Variants in GPHN observed in about 807,000 individuals in gnomAD.
The protein encoded by GPHN is gephyrin.
A neutral mutation model predicts 95.5 loss-of-function variants in GPHN; 17 were observed. That is an observed-to-expected ratio of 0.18 (90% CI 0.12 to 0.27). The LOEUF (loss-of-function observed/expected upper bound fraction) is 0.27. Among genes scored for constraint, GPHN ranks in the 10% least tolerant of loss-of-function variants. GPHN has a pLI of 1.00. For synonymous variants in GPHN, 320 were observed against 322.5 expected, an observed-to-expected ratio of 0.99 and a Z score of 0.08; for missense variants, 660 against 978.1, an observed-to-expected ratio of 0.67 and a Z score of 4.34.
intron 2 of GPHN, among the ~76,000 whole-genome samples, chr14:66,699,616 T>C (rs1486634277): frequency 6.6e-6 from 1 of 152,190 alleles, no homozygotes; most frequent in Non-Finnish European, 1.5e-5. Context: ...TATTCTGTTT[T>C]AGAACAAAAT....
At chr14:67,436,576 G>A in the GPHN span, among the ~76,000 whole-genome samples, 6 of 152,096 alleles carry the variant, frequency 3.9e-5, no homozygotes, top group African/African-American at 1.4e-4. Flanking sequence ...ACACCAGAGT[G>A]GGCATTAGGG....
At chr14:66,584,878 G>T (rs1228511792) in intron 1 of GPHN, among the ~76,000 whole-genome samples, 2 of 152,080 alleles carry the variant, frequency 1.3e-5, no homozygotes, top group African/African-American at 4.8e-5. Flanking sequence ...GCCCGGCTTT[G>T]GTATCAGGAT....
chr14:66,509,016 C>G (rs370825583), intron 1 of GPHN: 17 of 242,524 alleles, frequency 7.0e-5, no homozygotes, highest in Admixed American at 2.6e-4. Context: ...ATCTCCACCC[C>G]CTTCCTCTCC....
At position 66,922,832 on chromosome 14, in the gene GPHN, A is replaced by G. The variant is rs762424842; in HGVS notation, c.623A>G (p.Lys208Arg). ...TTSPHKQTED[K>R]GVQCEEEEEE... Reference sequence around the variant, plus strand: ...AGCCCCCATAAACAGACAGAAGACAAAGGAGTTCAATGTGAGGAAGAGGAA... The same window carrying G: ...AGCCCCCATAAACAGACAGAAGACAGAGGAGTTCAATGTGAGGAAGAGGAA... Residue 208 changes from lysine to arginine, a missense_variant, in exon 7 of 23, where the codon AAA becomes AGA. By Grantham distance (26) the Lys-to-Arg change is conservative. Coordinates refer to ENST00000478722, the MANE Select transcript of GPHN (RefSeq NM_020806.5). 9 of 1,613,626 alleles carry G rather than the reference A, an allele frequency of 5.6e-6. No individual in the cohort carries two copies. Among genetic ancestry groups the G allele is most frequent in the Non-Finnish European group, 1.7e-6 (2 of 1,179,624 alleles).
At chr14:66,746,075 T>TAACC (rs2153444289) in intron 2 of GPHN, among the ~76,000 whole-genome samples, 1 of 152,302 alleles carries the variant, frequency 6.6e-6, no homozygotes, top group African/African-American at 2.4e-5. Context: ...GTTTATCTAC[T>TAACC]AACCCATTGA....
At chr14:66,510,584 T>C (rs2058005224) in intron 1 of GPHN, among the ~76,000 whole-genome samples, 2 of 152,344 alleles carry the variant, frequency 1.3e-5, no homozygotes, top group Admixed American at 1.3e-4. Context: ...ACATTACCTA[T>C]GAGTTTGGGG....
intron 2 of GPHN, among the ~76,000 whole-genome samples, chr14:66,773,740 T>G (rs1165348041): frequency 6.6e-6 from 1 of 152,208 alleles, no homozygotes; most frequent in East Asian, 1.9e-4. Context: ...GAGTTCTTTT[T>G]TTTGTTTGTT....
chr14:67,469,873 C>T, the GPHN span, among the ~76,000 whole-genome samples: 1 of 152,196 alleles, frequency 6.6e-6, no homozygotes, highest in East Asian at 1.9e-4. Context: ...AGCCACCCTG[C>T]TTGGTCCCTC....
chr14:67,716,684 G>C, the GPHN span, among the ~76,000 whole-genome samples: 2 of 152,242 alleles, frequency 1.3e-5, no homozygotes, highest in African/African-American at 4.8e-5. Context: ...AGGAATTCGA[G>C]ACCAGCCTGG....
At chr14:66,915,385 C>T (rs2065853575) in intron 5 of GPHN, among the ~76,000 whole-genome samples, 1 of 152,148 alleles carries the variant, frequency 6.6e-6, no homozygotes. Context: ...CAGTCTTCCA[C>T]TGCTTTTCCA....
At chr14:67,143,704 C>A (rs1449305561) in intron 18 of GPHN, among the ~76,000 whole-genome samples, 1 of 152,124 alleles carries the variant, frequency 6.6e-6, no homozygotes, top group East Asian at 1.9e-4. Context: ...AACTTCTGAC[C>A]TGTTTCTCAC....
intron 9 of GPHN, among the ~76,000 whole-genome samples, chr14:66,995,885 C>T (rs1441577777): frequency 1.3e-5 from 2 of 152,140 alleles, no homozygotes; most frequent in East Asian, 3.8e-4. Context: ...AATTGTCCAG[C>T]GTTCTGCTTT....
chr14:66,611,395 T>G (rs1042598940), intron 1 of GPHN, among the ~76,000 whole-genome samples: 3 of 152,160 alleles, frequency 2.0e-5, no homozygotes, highest in East Asian at 1.9e-4. Flanking sequence ...TCCATTTTGT[T>G]TTAAGAGCAT....
At chr14:67,616,712 T>C in the GPHN span, 1 of 151,624 alleles carries the variant, frequency 6.6e-6, no homozygotes, top group African/African-American at 2.4e-5. Context: ...TATTTGCATA[T>C]ACATATGAGA....
the GPHN span, among the ~76,000 whole-genome samples, chr14:67,193,595 A>G: frequency 2.8e-5 from 4 of 144,402 alleles, no homozygotes; most frequent in Admixed American, 2.8e-4. Context: ...ATATAGATAT[A>G]TATCTATAGA....
chr14:67,474,787 G>T, the GPHN span, among the ~76,000 whole-genome samples: 10 of 152,244 alleles, frequency 6.6e-5, no homozygotes, highest in African/African-American at 2.4e-4. Context: ...TACTCTGGGT[G>T]CCTCATATAA....
intron 8 of GPHN, among the ~76,000 whole-genome samples, chr14:66,945,188 A>G (rs1298818584): frequency 6.6e-6 from 1 of 152,238 alleles, no homozygotes; most frequent in African/African-American, 2.4e-5. Flanking sequence ...GTGAAAAAAA[A>G]AGGGAAACAG....
chr14:66,645,993 C>T (rs947371012), intron 1 of GPHN, among the ~76,000 whole-genome samples: 1 of 152,072 alleles, frequency 6.6e-6, no homozygotes, highest in African/African-American at 2.4e-5. Context: ...CTCCAGGTCA[C>T]TTCTCATATG....
the GPHN span, among the ~76,000 whole-genome samples, chr14:67,701,702 A>G: frequency 0.17 from 25,962 of 152,084 alleles, 2,308 homozygotes; most frequent in African/African-American, 0.23. Context: ...GATTACAGGC[A>G]TGAGTCACCA....
Sources: gnomAD v4.1 joint callset for allele counts (sites outside exome capture counted in the v4.1 genomes callset) on GRCh38, gnomAD v4.1.1 for gene constraint, MANE v1.5 for transcripts, NCBI Gene and HGNC (gene_info 2026-07-23, HGNC 2026-07-21) for gene names.